Variants in CCDC167 observed in about 807,000 individuals in gnomAD.
CCDC167 encodes coiled-coil domain-containing protein 167.
CCDC167 carries 15 observed loss-of-function variants against 12.7 expected under a neutral mutation model. The ratio of observed to expected loss-of-function variants is 1.18; its 90% CI spans 0.79 to 1.81. The LOEUF is 1.81. Among genes scored for constraint, CCDC167 ranks in the 40% most tolerant of loss-of-function variants. The pLI is 0.00. For missense variants in CCDC167, 121 were observed against 120.1 expected (o/e 1.01, Z -0.03); for synonymous variants, 52 against 49.0 (o/e 1.06, Z -0.26).
intron 1 of CCDC167, among the ~76,000 whole-genome samples, 182 bp from the exon 2 acceptor site, chr6:37,485,376 C>T (rs971414587): frequency 1.3e-5 from 2 of 152,236 alleles, no homozygotes; most frequent in African/African-American, 2.4e-5. Context: ...TCTGCCTCCA[C>T]GTGGTTCAGC....
Position 37,483,209 on chromosome 6 carries a change from C to G in CCDC167, c.271G>C (p.Val91Leu), listed in dbSNP as rs138745679. The G allele has an allele frequency of 1.2e-6, 2 of 1,613,974 alleles. No homozygotes were observed. The highest frequency in any genetic ancestry group is 2.2e-5 in the South Asian group (2 of 91,080). Residue 91 changes from valine to leucine, a missense_variant, in exon 4 of 4, where the codon GTC becomes CTC. Physicochemically the swap from Val to Leu is conservative, Grantham distance 32. Coordinates refer to ENST00000373408, the MANE Select transcript of CCDC167 (RefSeq NM_138493.3). ...SVAIFILLTL[V>L]YAYWTM ...GCTCACATGGTCCAGTAGGCATAGA[C>G]GAGCGTCAGGAGGATAAAGATGGCC...
intron 1 of CCDC167, among the ~76,000 whole-genome samples, chr6:37,494,992 G>A (rs1762080174): frequency 6.6e-6 from 1 of 151,838 alleles, no homozygotes; most frequent in South Asian, 2.1e-4. Flanking sequence ...TAGAGATGGT[G>A]TTTCACCATG....
chr6:37,492,346 T>A (rs1417472302), intron 1 of CCDC167, among the ~76,000 whole-genome samples: 2 of 152,226 alleles, frequency 1.3e-5, no homozygotes, highest in Admixed American at 6.5e-5. Flanking sequence ...CTCGGAATAA[T>A]CTTGTACAAG....
intron 1 of CCDC167, among the ~76,000 whole-genome samples, chr6:37,496,720 C>G (rs1762102757): frequency 6.6e-6 from 1 of 152,256 alleles, no homozygotes. Flanking sequence ...CACAACCACA[C>G]TGTGAGGTGA....
intron 1 of CCDC167, among the ~76,000 whole-genome samples, chr6:37,492,474 A>G (rs939916706): frequency 1.3e-5 from 2 of 152,224 alleles, no homozygotes; most frequent in Non-Finnish European, 2.9e-5. Context: ...CACTGGGCCA[A>G]CTCAATGAGC....
intron 1 of CCDC167, among the ~76,000 whole-genome samples, chr6:37,492,021 C>G (rs1241794367): frequency 1.3e-5 from 2 of 152,216 alleles, no homozygotes; most frequent in Non-Finnish European, 2.9e-5. Context: ...ACCCCTGGAG[C>G]TGGGCAGGTT....
Position 37,484,156 on chromosome 6 carries a change from G to C in CCDC167, c.190+654C>G, listed in dbSNP as rs942272539. ...TGTGCCTACGGCATTCATCAGACCAGCGCTTCTGGGGGACTCCTTGCCATT... is the reference window on the plus strand; with the variant it reads ...TGTGCCTACGGCATTCATCAGACCACCGCTTCTGGGGGACTCCTTGCCATT... On this transcript the variant is annotated intron_variant, in intron 3 of 3. Transcript: ENST00000373408. Among the ~76,000 whole-genome samples, 18 of 152,228 alleles carry C rather than the reference G, an allele frequency of 1.2e-4. 1 individual carries two copies. Among genetic ancestry groups the C allele is most frequent in the African/African-American group, 3.9e-4 (16 of 41,444 alleles).
chr6:37,485,015 T>A, intron 2 of CCDC167, 85 bp downstream of exon 2: 1 of 1,442,414 alleles, frequency 6.9e-7, no homozygotes, highest in Non-Finnish European at 9.6e-7. Context: ...ACCCTCTGCC[T>A]CAGGCCTACT....
At chr6:37,496,100 A>G (rs528836360) in intron 1 of CCDC167, among the ~76,000 whole-genome samples, 6 of 152,302 alleles carry the variant, frequency 3.9e-5, no homozygotes, top group Admixed American at 1.3e-4. Flanking sequence ...CTGCCCCAGT[A>G]TAAGGCACTT....
intron 3 of CCDC167, among the ~76,000 whole-genome samples, chr6:37,483,581 C>T (rs1032651947): frequency 1.3e-5 from 2 of 152,168 alleles, no homozygotes; most frequent in African/African-American, 4.8e-5. Flanking sequence ...AATGCCACAC[C>T]TGAAAGCCAA....
intron 1 of CCDC167, among the ~76,000 whole-genome samples, chr6:37,489,700 C>T (rs1417650691): frequency 1.3e-5 from 2 of 152,302 alleles, no homozygotes; most frequent in East Asian, 1.9e-4. Flanking sequence ...GAAGAGGCCC[C>T]GTGGAAGGGA....
intron 1 of CCDC167, among the ~76,000 whole-genome samples, chr6:37,493,436 TGCTGGCAGACAGCCACTCCACACAC>T (rs1468905657): frequency 6.6e-6 from 1 of 152,260 alleles, no homozygotes; most frequent in African/African-American, 2.4e-5. Context: ...TTAATTAAGA[TGCTGGCAGACAGCCACTCCACACAC>T]GCCGCCATCC....
intron 1 of CCDC167, among the ~76,000 whole-genome samples, chr6:37,487,886 G>A (rs188686792): frequency 2.0e-5 from 3 of 152,314 alleles, no homozygotes; most frequent in Admixed American, 6.5e-5. Flanking sequence ...TTAAACGGTC[G>A]AACACAAATC....
chr6:37,487,554 T>G (rs1487790020), intron 1 of CCDC167, among the ~76,000 whole-genome samples: 2 of 152,244 alleles, frequency 1.3e-5, no homozygotes, highest in African/African-American at 4.8e-5. Flanking sequence ...AGATTTCTCC[T>G]TAACAGTCCT....
Position 37,494,684 on chromosome 6 carries a change from T to TTAA in CCDC167, c.42+5137_42+5138insTTA, listed in dbSNP as rs1022836273. Among the ~76,000 whole-genome samples, 23 of 152,220 alleles carry TTAA rather than the reference T, an allele frequency of 1.5e-4. 1 individual carries two copies. The highest frequency in any genetic ancestry group is 5.1e-4 in the African/African-American group (21 of 41,514). ...TCCTCCTTCCTGAGTTAAAGTTGAA[T>TTAA]ATTAGACTGGAGCTGTGGCAGCTAT... On this transcript the variant is annotated intron_variant, in intron 1 of 3. Coordinates refer to ENST00000373408, the MANE Select transcript of CCDC167 (RefSeq NM_138493.3).
chr6:37,488,855 C>T (rs1761978570), intron 1 of CCDC167, among the ~76,000 whole-genome samples: 1 of 152,212 alleles, frequency 6.6e-6, no homozygotes, highest in South Asian at 2.1e-4. Context: ...TGTTTGCTAT[C>T]TTTATTATCA....
Position 37,489,520 on chromosome 6 carries a change from C to T in CCDC167, c.43-4326G>A, listed in dbSNP as rs996391842. Among the ~76,000 whole-genome samples, 5 of 152,232 alleles carry T rather than the reference C, an allele frequency of 3.3e-5. No individual in the cohort carries two copies. In the South Asian group the frequency reaches 1.0e-3, roughly 32 times the overall value. On this transcript the variant is annotated intron_variant, in intron 1 of 3. Coordinates refer to ENST00000373408, the MANE Select transcript of CCDC167 (RefSeq NM_138493.3). ...GGCCTCTGGAGCCAGGGCCAGGTTG[C>T]AGACATGGCACCTGGTAGAATCCTA... is the stretch of plus-strand genomic sequence containing the variant.
At chr6:37,494,324 A>C (rs1307310749) in intron 1 of CCDC167, among the ~76,000 whole-genome samples, 8 of 151,968 alleles carry the variant, frequency 5.3e-5, no homozygotes, top group African/African-American at 1.7e-4. Flanking sequence ...GGGCCTCCCA[A>C]AGTGTTGGGA....
chr6:37,484,458 G>A (rs1014130346), intron 3 of CCDC167, among the ~76,000 whole-genome samples: 2 of 76,082 alleles, frequency 2.6e-5, no homozygotes, highest in Non-Finnish European at 4.9e-5. Flanking sequence ...CCACTGCATG[G>A]TTTTCCTGGG....
Sources: allele counts gnomAD v4.1 joint callset (sites outside exome capture counted in the v4.1 genomes callset), GRCh38; gene constraint gnomAD v4.1.1; transcripts MANE v1.5; gene names NCBI Gene and HGNC (gene_info 2026-07-23, HGNC 2026-07-21).